The following PDCL2 variants were observed in gnomAD, a reference collection of about 807,000 sequenced individuals.
PDCL2 encodes the protein phosducin-like protein 2.
PDCL2 carries 23 observed loss-of-function variants against 30.3 expected under a neutral mutation model. The ratio of observed to expected loss-of-function variants is 0.76; its 90% CI spans 0.55 to 1.08. The LOEUF is 1.08. PDCL2 is among the 50% of genes least tolerant of loss of function. PDCL2 has a pLI of 0.00. For synonymous variants in PDCL2, 68 were observed against 86.2 expected (o/e 0.79, Z 1.17); for missense variants, 243 against 282.3 (o/e 0.86, Z 1.00).
At chr4:55,577,759 T>G (rs1732607927) in intron 3 of PDCL2, among the ~76,000 whole-genome samples, 2 of 152,234 alleles carry the variant, frequency 1.3e-5, no homozygotes, top group African/African-American at 4.8e-5. Flanking sequence ...TCCTATCTTT[T>G]TAGCTCTTTA....
chr4:55,577,137 C>T (rs546651838), intron 3 of PDCL2, among the ~76,000 whole-genome samples: 5 of 152,274 alleles, frequency 3.3e-5, no homozygotes, highest in South Asian at 4.1e-4. Flanking sequence ...TCAGGTGATC[C>T]GCCTGCCTTG....
intron 3 of PDCL2, among the ~76,000 whole-genome samples, chr4:55,578,154 G>A (rs13111128): frequency 0.3 from 45,969 of 152,056 alleles, 7,552 homozygotes; most frequent in East Asian, 0.58. Context: ...TTTAAAAAAG[G>A]TTATAGCTCT....
At chr4:55,558,201 A>G (rs1378035206) in intron 5 of PDCL2, among the ~76,000 whole-genome samples, 1 of 152,102 alleles carries the variant, frequency 6.6e-6, no homozygotes, top group African/African-American at 2.4e-5. Flanking sequence ...ACAGAAAAAA[A>G]GTAGACACAT....
At chr4:55,590,845 A>G (rs1348244662) in intron 1 of PDCL2, among the ~76,000 whole-genome samples, 1 of 152,130 alleles carries the variant, frequency 6.6e-6, no homozygotes, top group Admixed American at 6.5e-5. Context: ...TGCTCAAACT[A>G]TGAAGGCATT....
At chr4:55,566,034 A>C (rs1332774261) in intron 4 of PDCL2, among the ~76,000 whole-genome samples, 1 of 122,194 alleles carries the variant, frequency 8.2e-6, no homozygotes, top group Non-Finnish European at 1.6e-5. Flanking sequence ...AGGCTAGAGT[A>C]CAGTGATGTG....
intron 3 of PDCL2, among the ~76,000 whole-genome samples, chr4:55,577,020 C>T (rs6813772): frequency 0.016 from 2,501 of 152,092 alleles, 66 homozygotes; most frequent in African/African-American, 0.058. Flanking sequence ...GCCTCAGCCT[C>T]CCGAGTAGGT....
intron 5 of PDCL2, among the ~76,000 whole-genome samples, chr4:55,559,196 C>T (rs1732060704): frequency 6.6e-6 from 1 of 152,138 alleles, no homozygotes; most frequent in African/African-American, 2.4e-5. Flanking sequence ...CTTTCATTTA[C>T]AGAGCAATCT....
chr4:55,586,114 C>G (rs987259811), intron 1 of PDCL2, among the ~76,000 whole-genome samples: 2 of 151,912 alleles, frequency 1.3e-5, no homozygotes, highest in Non-Finnish European at 2.9e-5. Flanking sequence ...ATGCATTTCC[C>G]TCTTAAATCT....
At chr4:55,557,951 CAAA>C (rs57872861) in intron 5 of PDCL2, among the ~76,000 whole-genome samples, 45,137 of 126,368 alleles carry the variant, frequency 0.36, 8,105 homozygotes, top group East Asian at 0.58. Context: ...ACTAAAAATA[CAAA>C]AAAAAAAAAA....
chr4:55,563,078 A>T (rs2110153556), intron 4 of PDCL2, among the ~76,000 whole-genome samples: 2 of 152,322 alleles, frequency 1.3e-5, no homozygotes, highest in South Asian at 4.1e-4. Flanking sequence ...CAGTCTTTGG[A>T]ATCCCACTCC....
chr4:55,562,379 T>G, intron 5 of PDCL2, 25 bp downstream of exon 5: 2 of 1,370,228 alleles, frequency 1.5e-6, no homozygotes, highest in Non-Finnish European at 1.9e-6. Flanking sequence ...CCTATCATTT[T>G]TATAAACAAA....
intron 3 of PDCL2, among the ~76,000 whole-genome samples, chr4:55,579,920 C>A (rs1339856216): frequency 6.6e-6 from 1 of 151,692 alleles, no homozygotes; most frequent in Non-Finnish European, 1.5e-5. Context: ...AATCTTGGCT[C>A]ACCACAACCT....
At chr4:55,587,306 G>A (rs1317326300) in intron 1 of PDCL2, among the ~76,000 whole-genome samples, 3 of 149,620 alleles carry the variant, frequency 2.0e-5, no homozygotes, top group African/African-American at 4.9e-5. Flanking sequence ...TTATAAGGAA[G>A]GAGACTTCAT....
chr4:55,567,231 G>A (rs1577907945), intron 4 of PDCL2, among the ~76,000 whole-genome samples: 1 of 152,136 alleles, frequency 6.6e-6, no homozygotes, highest in African/African-American at 2.4e-5. Flanking sequence ...CCCCCACGGA[G>A]TCATTAAAAT....
chr4:55,590,709 G>A (rs1732978774), intron 1 of PDCL2, among the ~76,000 whole-genome samples: 1 of 151,746 alleles, frequency 6.6e-6, no homozygotes, highest in Non-Finnish European at 1.5e-5. Flanking sequence ...AGGCCAGGCT[G>A]GTCTTGAACT....
At chr4:55,576,594 G>A (rs538975732) in intron 3 of PDCL2, among the ~76,000 whole-genome samples, 73 of 152,166 alleles carry the variant, frequency 4.8e-4, no homozygotes, top group African/African-American at 1.5e-3. Context: ...ACTGTAAGAC[G>A]TTAATTTTTA....
intron 3 of PDCL2, among the ~76,000 whole-genome samples, chr4:55,571,939 TCTAACTTCCCGCAATTTGATCTTA>T (rs1417745316): frequency 6.6e-6 from 1 of 151,874 alleles, no homozygotes; most frequent in Non-Finnish European, 1.5e-5. Context: ...GCACCGAGTA[TCTAACTTCCCGCAATTTGATCTTA>T]CTGGCTTAAT....
At chr4:55,561,336 C>A (rs1056355718) in intron 5 of PDCL2, among the ~76,000 whole-genome samples, 3 of 151,880 alleles carry the variant, frequency 2.0e-5, no homozygotes, top group Non-Finnish European at 2.9e-5. Context: ...CTGAGGCGGG[C>A]GGATCTCCTG....
intron 4 of PDCL2, among the ~76,000 whole-genome samples, chr4:55,567,973 G>C (rs899381771): frequency 1.3e-5 from 2 of 152,112 alleles, no homozygotes; most frequent in Non-Finnish European, 2.9e-5. Flanking sequence ...AAGAGTTTTA[G>C]TTATAATAAA....
Sources: allele counts gnomAD v4.1 joint callset (sites outside exome capture counted in the v4.1 genomes callset), GRCh38; gene constraint gnomAD v4.1.1; transcripts MANE v1.5; gene names NCBI Gene and HGNC (gene_info 2026-07-23, HGNC 2026-07-21).